The following PLEKHM2 variants were observed in gnomAD, a reference collection of about 807,000 sequenced individuals.
The protein encoded by PLEKHM2 is pleckstrin homology and RUN domain containing M2.
Under a neutral mutation model 116.3 loss-of-function variants are expected in PLEKHM2, and 77 were observed. The ratio of observed to expected loss-of-function variants is 0.66; its 90% CI spans 0.55 to 0.80. The LOEUF (loss-of-function observed/expected upper bound fraction) is 0.80. Ranked by LOEUF, PLEKHM2 falls within the 30% of genes least tolerant of loss-of-function variation. The pLI, the probability that PLEKHM2 is intolerant of heterozygous loss-of-function variation, is 0.00. For synonymous variants in PLEKHM2, 562 were observed against 571.0 expected, an observed-to-expected ratio of 0.98 and a Z score of 0.22; for missense variants, 1,183 against 1,354.9, an observed-to-expected ratio of 0.87 and a Z score of 1.99.
chr1:15,707,080 C>A (rs1478612394), intron 1 of PLEKHM2, among the ~76,000 whole-genome samples: 3 of 149,962 alleles, frequency 2.0e-5, no homozygotes, highest in Admixed American at 1.3e-4. Context: ...ACAGGCCATG[C>A]GGTCTCTGAG....
chr1:15,688,055 GAAAAC>G (rs79816054), intron 1 of PLEKHM2, among the ~76,000 whole-genome samples: 2,765 of 152,286 alleles, frequency 0.018, 26 homozygotes, highest in Non-Finnish European at 0.028. Flanking sequence ...CTCACAAAGT[GAAAAC>G]ACCTGCATAT....
At chr1:15,706,154 CA>C (rs2148346608) in intron 1 of PLEKHM2, among the ~76,000 whole-genome samples, 1 of 152,272 alleles carries the variant, frequency 6.6e-6, no homozygotes, top group Admixed American at 6.5e-5. Context: ...TCTCACCTGC[CA>C]ACAGCTTCCC....
At position 15,732,415 on chromosome 1, in the gene PLEKHM2, C is replaced by A; in HGVS notation, c.2691C>A (p.Arg897=). The change falls in exon 18 of 20, where the codon CGC becomes CGA. Residue 897 remains arginine (R), a synonymous_variant. Coordinates refer to ENST00000375799, the MANE Select transcript of PLEKHM2 (RefSeq NM_015164.4). Reference sequence around the variant, plus strand: ...GCTGCCTGGTCCTCACGGATGACCGCCTCTTTACGTGCCATGAGGATTGCC... The same window carrying A: ...GCTGCCTGGTCCTCACGGATGACCGACTCTTTACGTGCCATGAGGATTGCC... ...IPCCLVLTDD[R]LFTCHEDCQT... is the part of the protein sequence containing the mutation. The A allele has an allele frequency of 6.3e-7, 1 of 1,576,686 alleles. No individual in the cohort carries two copies. The highest frequency in any genetic ancestry group is 2.3e-5 in the East Asian group (1 of 43,052).
intron 1 of PLEKHM2, among the ~76,000 whole-genome samples, chr1:15,704,193 G>T (rs1046434983): frequency 1.4e-5 from 2 of 147,376 alleles, no homozygotes; most frequent in Non-Finnish European, 3.0e-5. Flanking sequence ...TCTTTCCTGG[G>T]CAAGGACTTT....
chr1:15,709,061 A>G (rs561128022), intron 1 of PLEKHM2, among the ~76,000 whole-genome samples: 1 of 152,310 alleles, frequency 6.6e-6, no homozygotes, highest in East Asian at 1.9e-4. Context: ...TCACACAGTG[A>G]ATGAGTAGCA....
intron 1 of PLEKHM2, among the ~76,000 whole-genome samples, chr1:15,713,886 C>T (rs1571047428): frequency 6.6e-6 from 1 of 151,534 alleles, no homozygotes; most frequent in African/African-American, 2.4e-5. Context: ...GATCCGCCCA[C>T]CTCGGCCTCC....
At chr1:15,720,752 T>C (rs2067987101) in intron 6 of PLEKHM2, 2 of 152,286 alleles carry the variant, frequency 1.3e-5, no homozygotes, top group Admixed American at 6.5e-5. Context: ...CCACGGGTTA[T>C]ATGTCCCAGG....
intron 7 of PLEKHM2, among the ~76,000 whole-genome samples, chr1:15,724,972 C>T (rs755788133): frequency 3.7e-4 from 56 of 152,272 alleles, no homozygotes; most frequent in Non-Finnish European, 6.6e-4. Flanking sequence ...GGCTCCCAGC[C>T]ACCCATGGAG....
At chr1:15,692,289 C>G (rs1211913976) in intron 1 of PLEKHM2, among the ~76,000 whole-genome samples, 1 of 152,204 alleles carries the variant, frequency 6.6e-6, no homozygotes, top group Admixed American at 6.5e-5. Context: ...GGACCTGAGT[C>G]ACCAGGACAA....
chr1:15,684,342 C>T lies in PLEKHM2; in HGVS notation c.-217C>T, dbSNP rs979148881. 5.1e-4 allele frequency: 79 copies of T among 154,354 alleles called. No homozygotes were observed. Among genetic ancestry groups the T allele is most frequent in the Admixed American group, 1.4e-3 (21 of 14,980 alleles). The allele number at this position is 154,354 out of a possible 1,614,324, so 9.6% of individuals were successfully genotyped here. A position where few individuals can be genotyped will look rare whatever the true frequency, so the allele number is the denominator to read the frequency against. ...GGCGCACAGCCCGCGGCCTCCTTCC[C>T]CGCCGGCCGCGCTCCGGAGCCTCCG... On this transcript the variant is annotated 5_prime_UTR_variant, in exon 1 of 20. Transcript: ENST00000375799.
chr1:15,693,573 A>G (rs1048729778), intron 1 of PLEKHM2, among the ~76,000 whole-genome samples: 9 of 152,194 alleles, frequency 5.9e-5, no homozygotes, highest in Admixed American at 3.3e-4. Context: ...GAAACAGGTC[A>G]CCATCTGGCA....
At chr1:15,716,127 T>C in intron 1 of PLEKHM2, 110 bp from the exon 2 acceptor site, 1 of 671,274 alleles carries the variant, frequency 1.5e-6, no homozygotes, top group Non-Finnish European at 2.6e-6. Context: ...TGCTGGTCAT[T>C]GTGGATACAC....
At position 15,733,995 on chromosome 1, in the gene PLEKHM2, A is replaced by G. The variant is rs2148383969; in HGVS notation, c.*61A>G. ...GGAAGGCACGCCAGCCGGCAGGCAC[A>G]CTGTCACGGCTGTTGTCATGCTGTC... On this transcript the variant is annotated 3_prime_UTR_variant, in exon 20 of 20. Transcript: ENST00000375799. The G allele has an allele frequency of 6.5e-7, 1 of 1,545,362 alleles. No individual in the cohort carries two copies. The highest frequency in any genetic ancestry group is 1.2e-5 in the South Asian group (1 of 84,020).
chr1:15,732,929 G>A (rs1404705659), intron 19 of PLEKHM2, among the ~76,000 whole-genome samples: 1 of 152,248 alleles, frequency 6.6e-6, no homozygotes, highest in Non-Finnish European at 1.5e-5. Flanking sequence ...AGTCCTCACT[G>A]TCCTTGCCGT....
At chr1:15,694,328 G>A (rs575620991) in intron 1 of PLEKHM2, among the ~76,000 whole-genome samples, 8 of 151,708 alleles carry the variant, frequency 5.3e-5, no homozygotes, top group Middle Eastern at 3.4e-3. Flanking sequence ...TAGCCTGAGC[G>A]ACAGAGCGAG....
In PLEKHM2 at chr1:15,725,255, C is replaced by T; in HGVS notation, c.713-62C>T. 3.2e-6 allele frequency: 4 copies of T among 1,246,392 alleles called. No homozygotes were observed. In the South Asian group the frequency reaches 5.2e-5, roughly 16 times the overall value. The allele number at this position is 1,246,392 out of a possible 1,614,324, so 77.2% of individuals were successfully genotyped here. A position where few individuals can be genotyped will look rare whatever the true frequency, so the allele number is the denominator to read the frequency against. On this transcript the variant is annotated intron_variant, in intron 7 of 19. Coordinates refer to ENST00000375799, the MANE Select transcript of PLEKHM2 (RefSeq NM_015164.4). ...CCTCCCTCCTGGGCTAACGCATGCT[C>T]TGGGGGTCGGGGACCCCGGGGGGTG...
At chr1:15,690,051 C>T (rs1210911598) in intron 1 of PLEKHM2, among the ~76,000 whole-genome samples, 1 of 149,930 alleles carries the variant, frequency 6.7e-6, no homozygotes. Flanking sequence ...CCACCGCACC[C>T]AGCCGAGGTT....
rs746183903 is a variant in PLEKHM2, at chr1:15,727,198, G to A, written c.1126G>A (p.Gly376Arg). The stretch of plus-strand genomic sequence containing the variant: ...TATGCTTGCCTCCCCCCAGGAGGAG[G>A]GAGAGGGGCCGAGCAGCACCACGGA... Reference protein sequence around the residue: ...DTMLASPQEEGEGPSSTTESS... With the variant: ...DTMLASPQEEREGPSSTTESS... Residue 376 changes from glycine (G) to arginine (R), a missense_variant, in exon 9 of 20, where the codon GGA (glycine) becomes AGA (arginine). Gly to Arg is a moderately radical substitution (Grantham distance 125). Around this residue, in one of 3 missense-constraint regions of PLEKHM2, gnomAD observed 372 missense variants for 357.2 expected, o/e 1.04. Transcript: ENST00000375799. The surrounding 1 kb of genome is among the most constrained non-coding windows in gnomAD (Gnocchi z 7.5). The A allele has an allele frequency of 6.3e-5, 102 of 1,606,760 alleles. No homozygotes were observed. Among genetic ancestry groups the A allele is most frequent in the Non-Finnish European group, 8.3e-5 (98 of 1,177,230 alleles).
In PLEKHM2 at chr1:15,732,597, C is replaced by T. The variant is rs1210099268; in HGVS notation, c.2806-15C>T. 2.5e-6 allele frequency: 4 copies of T among 1,596,352 alleles called. No homozygotes were observed. Among genetic ancestry groups the T allele is most frequent in the Non-Finnish European group, 3.4e-6 (4 of 1,171,360 alleles). ...AAAGCTCTGGCTGCTCACCCGGGGG[C>T]CTGGCTCTCCCTAGGAGTTCTCCCA... On this transcript the variant is annotated splice_polypyrimidine_tract_variant and intron_variant, in intron 18 of 19. Transcript: ENST00000375799.
Sources: allele counts gnomAD v4.1 joint callset (sites outside exome capture counted in the v4.1 genomes callset), GRCh38; gene constraint gnomAD v4.1.1; regional missense constraint gnomAD v4.1.1; non-coding constraint Gnocchi (gnomAD v3.1); transcripts MANE v1.5; gene names NCBI Gene and HGNC (gene_info 2026-07-23, HGNC 2026-07-21).